Variants in EPB41 observed in about 807,000 individuals in gnomAD.
The protein encoded by EPB41 is erythrocyte membrane protein band 4.1, also known as protein 4.1.
A neutral mutation model predicts 108.0 loss-of-function variants in EPB41; 65 were observed. The observed-to-expected ratio is 0.60, with a 90% confidence interval of 0.49 to 0.74. The LOEUF is 0.74. Among genes scored for constraint, EPB41 ranks in the 30% least tolerant of loss-of-function variants. The pLI is 0.00. For synonymous variants in EPB41, 336 were observed against 358.9 expected (o/e 0.94, Z 0.72); for missense variants, 875 against 1,037.0 (o/e 0.84, Z 2.15).
At chr1:28,924,336 C>T (rs760414221) in intron 1 of EPB41, among the ~76,000 whole-genome samples, 2 of 152,236 alleles carry the variant, frequency 1.3e-5, no homozygotes, top group Non-Finnish European at 2.9e-5. Flanking sequence ...CGAGACCTGC[C>T]TTGCCAACAT....
chr1:28,925,164 C>T (rs577066703), intron 1 of EPB41, among the ~76,000 whole-genome samples: 3 of 152,226 alleles, frequency 2.0e-5, no homozygotes, highest in South Asian at 4.2e-4. Flanking sequence ...AGGGTTTCAC[C>T]ATATTGGCCA....
At position 29,069,295 on chromosome 1, in the gene EPB41, A is replaced by T. The variant is rs1014260722; in HGVS notation, c.2184+4137A>T. 8.9e-6 allele frequency: 11 copies of T among 1,231,548 alleles called. No individual in the cohort carries two copies. In the African/African-American group the frequency reaches 1.7e-4, roughly 19 times the overall value. 76.3% of individuals were successfully genotyped at this position (1,231,548 alleles called of 1,614,324 possible). On this transcript the variant is annotated intron_variant, in intron 16 of 20. Transcript: ENST00000343067. ...TAGAGCCAAGTTTTTCCTTTCATAGATAACATCTGTCTTGACTATGGATAG... is the reference window on the plus strand; with the variant it reads ...TAGAGCCAAGTTTTTCCTTTCATAGTTAACATCTGTCTTGACTATGGATAG...
chr1:29,039,112 C>A, intron 10 of EPB41, 142 bp from the exon 11 acceptor site: 1 of 906,258 alleles, frequency 1.1e-6, no homozygotes, highest in Non-Finnish European at 1.6e-6. Context: ...ATAATGATTA[C>A]TTGATTGAAA....
intron 2 of EPB41, among the ~76,000 whole-genome samples, chr1:28,992,611 C>T (rs571693999): frequency 1.3e-5 from 2 of 152,322 alleles, no homozygotes; most frequent in South Asian, 4.1e-4. Context: ...ATCGCTTGAA[C>T]CCTGGAGGCG....
chr1:29,079,111 T>C (rs929626192), intron 16 of EPB41, among the ~76,000 whole-genome samples: 10 of 151,932 alleles, frequency 6.6e-5, no homozygotes, highest in African/African-American at 2.2e-4. Flanking sequence ...TTCTCCTGCC[T>C]CAGCCTCCAG....
In EPB41 at chr1:28,914,609, G is replaced by C. The variant is rs567064403; in HGVS notation, c.-167G>C. 1.3e-5 allele frequency: 2 copies of C among 151,894 alleles called. No homozygotes were observed. The highest frequency in any genetic ancestry group is 2.1e-4 in the South Asian group (1 of 4,866). 9.4% of individuals were successfully genotyped at this position (151,894 alleles called of 1,614,324 possible). A position where few individuals can be genotyped will look rare whatever the true frequency, so the allele number is the denominator to read the frequency against. ...GGGCGCGCGCCAGGGTCGCTCGCTC[G>C]CTCCCTCCCTCCGCTGGTGCGTTTA... On this transcript the variant is annotated 5_prime_UTR_variant, in exon 1 of 21. Transcript: ENST00000343067.
chr1:29,090,789 G>A (rs565600830), intron 16 of EPB41, among the ~76,000 whole-genome samples: 1 of 152,086 alleles, frequency 6.6e-6, no homozygotes, highest in East Asian at 1.9e-4. Context: ...GGGGTGGGAA[G>A]CCCAGAGAGC....
rs1012748776 is a variant in EPB41, at chr1:29,018,440, C to T, written c.1122C>T (p.Tyr374=). 1.7e-5 allele frequency: 28 copies of T among 1,613,670 alleles called. No individual in the cohort carries two copies. The Admixed American group carries it at 3.0e-4, about 17-fold the overall frequency. The change falls in exon 7 of 21, where the codon TAC becomes TAT. Residue 374 remains tyrosine (Y), a splice_region_variant and synonymous_variant. Transcript: ENST00000343067. The surrounding 1 kb of genome is among the most constrained non-coding windows in gnomAD (Gnocchi z 4.4). Reference sequence around the variant, plus strand: ...AGGTCATGGAACTGCATAAGTCATACAGGTGAATATGTCTCCAGGGTTTGT... The same window carrying T: ...AGGTCATGGAACTGCATAAGTCATATAGGTGAATATGTCTCCAGGGTTTGT... ...EEKVMELHKS[Y]RSMTPAQADL... is the part of the protein sequence containing the mutation.
chr1:29,107,606 T>A lies in EPB41; in HGVS notation c.2314-1730T>A, dbSNP rs531557988. ...TGGCTCAAAGAGCTGTAATCTCAGC[T>A]CTTTGGGAGGTGGAGGTGGGCGGTT... On this transcript the variant is annotated intron_variant, in intron 17 of 20. Transcript: ENST00000343067. Among the ~76,000 whole-genome samples the A allele has an allele frequency of 2.6e-5, 4 of 151,908 alleles. No homozygotes were observed. The South Asian group carries it at 8.3e-4, about 32-fold the overall frequency.
At chr1:28,901,184 C>A (rs1386974418) in intron 1 of EPB41, among the ~76,000 whole-genome samples, 11 of 151,838 alleles carry the variant, frequency 7.2e-5, no homozygotes, top group Admixed American at 7.2e-4. Flanking sequence ...CCGCCTTGGC[C>A]TCCCAAAGTG....
chr1:28,910,096 A>G (rs2147996629), upstream of EPB41, among the ~76,000 whole-genome samples: 1 of 152,248 alleles, frequency 6.6e-6, no homozygotes, highest in African/African-American at 2.4e-5. Flanking sequence ...TCAAAAAAAA[A>G]AAAAAGTGTA....
chr1:28,940,417 C>G (rs531492384), intron 1 of EPB41, among the ~76,000 whole-genome samples: 1 of 151,758 alleles, frequency 6.6e-6, no homozygotes. Context: ...TTTGGGAGGC[C>G]GAGGTGGGCG....
chr1:28,986,775 A>G (rs2095877155), intron 1 of EPB41, among the ~76,000 whole-genome samples: 1 of 146,378 alleles, frequency 6.8e-6, no homozygotes, highest in South Asian at 2.1e-4. Flanking sequence ...CACAAAAAGG[A>G]AAAAAAAAAG....
At chr1:28,967,736 G>A (rs2095395430) in intron 1 of EPB41, among the ~76,000 whole-genome samples, 1 of 151,538 alleles carries the variant, frequency 6.6e-6, no homozygotes, top group South Asian at 2.1e-4. Context: ...CTTCTAAGTA[G>A]ATGGGATTAC....
intron 17 of EPB41, among the ~76,000 whole-genome samples, chr1:29,101,832 C>T (rs559364): frequency 1.3e-5 from 2 of 151,706 alleles, no homozygotes; most frequent in South Asian, 2.1e-4. Flanking sequence ...CCCAGGAGTT[C>T]GAGGCTGCAG....
chr1:29,077,365 A>T (rs1654512067), intron 16 of EPB41, among the ~76,000 whole-genome samples: 1 of 151,932 alleles, frequency 6.6e-6, no homozygotes, highest in Non-Finnish European at 1.5e-5. Context: ...GAGCCTGGGA[A>T]TTCCAGTCCA....
Position 29,115,874 on chromosome 1 carries a change from C to A in EPB41, c.*6+71C>A. The A allele has an allele frequency of 8.3e-7, 1 of 1,210,084 alleles. No individual in the cohort carries two copies. The highest frequency in any genetic ancestry group is 1.2e-6 in the Non-Finnish European group (1 of 817,770). The allele number at this position is 1,210,084 out of a possible 1,614,324, so 75.0% of individuals were successfully genotyped here. A position where few individuals can be genotyped will look rare whatever the true frequency, so the allele number is the denominator to read the frequency against. ...CTGAGAGGGCTCTGGATGGGACCCT[C>A]GGACACACTGGGAGCCCATCCCCAC... is the stretch of plus-strand genomic sequence containing the variant. On this transcript the variant is annotated intron_variant, in intron 20 of 20. Transcript: ENST00000343067. This position sits in a 1 kb window ranked among gnomAD's most constrained non-coding sequence, Gnocchi z 4.4.
intron 5 of EPB41, 145 bp from the exon 6 acceptor site, chr1:29,015,547 C>T (rs1428793033): frequency 3.2e-6 from 2 of 615,388 alleles, no homozygotes; most frequent in African/African-American, 3.8e-5. Context: ...GCACTCCAGC[C>T]TGGGCAACAA....
intron 1 of EPB41, among the ~76,000 whole-genome samples, chr1:28,917,238 A>ATG (rs1557660392): frequency 1.3e-5 from 2 of 151,468 alleles, no homozygotes; most frequent in African/African-American, 4.8e-5. Flanking sequence ...TTGCTTTGCC[A>ATG]TCTCTCTCTC....
Sources: gnomAD v4.1 joint callset for allele counts (sites outside exome capture counted in the v4.1 genomes callset) on GRCh38, gnomAD v4.1.1 for gene constraint, Gnocchi (gnomAD v3.1) non-coding constraint, MANE v1.5 for transcripts, NCBI Gene and HGNC (gene_info 2026-07-23, HGNC 2026-07-21) for gene names.